The following DERL1 variants were observed in gnomAD, a reference collection of about 807,000 sequenced individuals.
DERL1 encodes the protein derlin 1.
DERL1 carries 24 observed loss-of-function variants against 41.6 expected under a neutral mutation model. The observed-to-expected ratio is 0.58, with a 90% CI of 0.42 to 0.81. The LOEUF (loss-of-function observed/expected upper bound fraction) is 0.81, where lower values mean the gene tolerates loss of function less well. Among genes scored for constraint, DERL1 ranks in the 30% least tolerant of loss-of-function variants. DERL1 has a pLI of 0.00. For missense variants in DERL1, 260 were observed against 314.3 expected (o/e 0.83, Z 1.31); for synonymous variants, 124 against 112.5 (o/e 1.10, Z -0.65).
rs1019015721 is a variant in DERL1, at chr8:123,015,214, C to A, written c.*233G>T. 4.1e-6 allele frequency: 2 copies of A among 482,964 alleles called. No individual in the cohort carries two copies. Among genetic ancestry groups the A allele is most frequent in the Admixed American group, 4.3e-5 (1 of 23,432 alleles). 29.9% of individuals were successfully genotyped at this position (482,964 alleles called of 1,614,324 possible). ...ACACCAAAAAATGTAGTCAGTTTTG[C>A]AATTTGCACAGTTGGTATTTGTTCT... On this transcript the variant is annotated 3_prime_UTR_variant, in exon 8 of 8. Transcript: ENST00000259512.
At chr8:123,025,150 T>C in intron 2 of DERL1, 100 bp from the exon 3 acceptor site, 2 of 1,262,016 alleles carry the variant, frequency 1.6e-6, no homozygotes, top group Middle Eastern at 1.9e-4. Context: ...AAAGCCAAAA[T>C]GAGAACATTT....
At chr8:123,031,779 A>G (rs989121944) in intron 1 of DERL1, among the ~76,000 whole-genome samples, 1 of 152,172 alleles carries the variant, frequency 6.6e-6, no homozygotes, top group Non-Finnish European at 1.5e-5. Context: ...TATTCCTTGT[A>G]TGTGAATGTC....
chr8:123,034,723 G>A (rs1047472363), intron 1 of DERL1, among the ~76,000 whole-genome samples: 3 of 152,186 alleles, frequency 2.0e-5, no homozygotes, highest in African/African-American at 7.2e-5. Flanking sequence ...ACAGACACTT[G>A]TGTAATCCTG....
At position 123,015,405 on chromosome 8, in the gene DERL1, G is replaced by A. The variant is rs755011295; in HGVS notation, c.*42C>T. On this transcript the variant is annotated 3_prime_UTR_variant, in exon 8 of 8. Coordinates refer to ENST00000259512, the MANE Select transcript of DERL1 (RefSeq NM_024295.6). ...TTGTTAAGTGCACCCAGCACTGGGAGGAAATGTGGCTTGAGAGGAGCGGCT... is the reference window on the plus strand; with the variant it reads ...TTGTTAAGTGCACCCAGCACTGGGAAGAAATGTGGCTTGAGAGGAGCGGCT... 1.9e-6 allele frequency: 3 copies of A among 1,602,966 alleles called. No homozygotes were observed. In the African/African-American group the frequency reaches 4.0e-5, roughly 21 times the overall value.
intron 7 of DERL1, chr8:123,017,199 T>C (rs151206236): frequency 6.6e-6 from 1 of 152,320 alleles, no homozygotes; most frequent in African/African-American, 2.4e-5. Flanking sequence ...CTAAATGGAA[T>C]GGAAAATGGT....
chr8:123,022,824 T>C (rs1212812677), intron 4 of DERL1, 45 bp from the exon 5 acceptor site: 4 of 1,537,570 alleles, frequency 2.6e-6, no homozygotes, highest in South Asian at 2.2e-5. Flanking sequence ...CAGAGGCACT[T>C]AAAAAAGGTG....
At chr8:123,019,779 G>A in intron 6 of DERL1, among the ~76,000 whole-genome samples, 1 of 152,102 alleles carries the variant, frequency 6.6e-6, no homozygotes, top group South Asian at 2.1e-4. Flanking sequence ...CTTGCCTCTT[G>A]TATCCTTGAG....
chr8:123,037,100 G>T (rs933123023), intron 1 of DERL1, among the ~76,000 whole-genome samples: 1 of 152,172 alleles, frequency 6.6e-6, no homozygotes, highest in African/African-American at 2.4e-5. Context: ...GTCCAGGAGA[G>T]AAGGAAATAA....
rs573253933 is a variant in DERL1, at chr8:123,025,171, T to C, written c.266-121A>G. 1.2e-4 allele frequency: 124 copies of C among 1,012,050 alleles called. 1 individual carries two copies. The East Asian group carries it at 3.3e-3, about 27-fold the overall frequency. The allele number at this position is 1,012,050 out of a possible 1,614,324, so 62.7% of individuals were successfully genotyped here. ...AAAATGAGAACATTTTAAAAACCAC[T>C]CCTCTCTAAAAAAGTGAATTTTTAA... is the stretch of plus-strand genomic sequence containing the variant. On this transcript the variant is annotated intron_variant, in intron 2 of 7. Transcript: ENST00000259512.
chr8:123,033,465 C>T (rs890956822), intron 1 of DERL1, among the ~76,000 whole-genome samples: 4 of 152,056 alleles, frequency 2.6e-5, no homozygotes, highest in Non-Finnish European at 5.9e-5. Context: ...GAGCTTCGGC[C>T]GGGAGTAGTG....
intron 2 of DERL1, among the ~76,000 whole-genome samples, chr8:123,028,816 C>T (rs1812757775): frequency 6.6e-6 from 1 of 152,082 alleles, no homozygotes; most frequent in African/African-American, 2.4e-5. Flanking sequence ...CCTGTAATCC[C>T]AGCACTTTGG....
At chr8:123,027,398 T>C (rs868717703) in intron 2 of DERL1, among the ~76,000 whole-genome samples, 3 of 151,682 alleles carry the variant, frequency 2.0e-5, no homozygotes, top group East Asian at 1.9e-4. Flanking sequence ...AGGGTTTCTT[T>C]TGGGGGTGGT....
At position 123,015,261 on chromosome 8, in the gene DERL1, T is replaced by G; in HGVS notation, c.*186A>C. On this transcript the variant is annotated 3_prime_UTR_variant, in exon 8 of 8. Transcript: ENST00000259512. ...TTCTTCACAGCAGTAAGGACTTGAA[T>G]GAGAATCGTGAAACTTGTGGAACAC... is the stretch of plus-strand genomic sequence containing the variant. 2.1e-5 allele frequency: 17 copies of G among 811,090 alleles called. No individual in the cohort carries two copies. Among genetic ancestry groups the G allele is most frequent in the East Asian group, 2.8e-5 (1 of 35,496 alleles). The allele number at this position is 811,090 out of a possible 1,614,324, so 50.2% of individuals were successfully genotyped here.
intron 5 of DERL1, 59 bp downstream of exon 5, chr8:123,022,625 C>T: frequency 2.0e-6 from 3 of 1,527,092 alleles, no homozygotes; most frequent in Non-Finnish European, 2.7e-6. Flanking sequence ...CATCTCTGGA[C>T]TGAAGAGGGA....
intron 7 of DERL1, chr8:123,017,249 T>C (rs1381438229): frequency 1.3e-5 from 2 of 152,196 alleles, no homozygotes; most frequent in African/African-American, 2.4e-5. Flanking sequence ...AAAGCAGTTA[T>C]ACCTTCCTAT....
intron 3 of DERL1, among the ~76,000 whole-genome samples, chr8:123,024,136 C>T (rs1049584687): frequency 6.6e-6 from 1 of 152,136 alleles, no homozygotes; most frequent in African/African-American, 2.4e-5. Flanking sequence ...CAACAGCTTC[C>T]GCATATGACT....
At chr8:123,019,371 T>C (rs2130457441) in intron 6 of DERL1, 66 bp from the exon 7 acceptor site, 4 of 1,155,122 alleles carry the variant, frequency 3.5e-6, no homozygotes, top group Non-Finnish European at 5.1e-6. Context: ...TTTTAACTAA[T>C]AGCATAAGGA....
intron 7 of DERL1, chr8:123,017,421 G>A (rs1814605600): frequency 6.6e-6 from 1 of 152,136 alleles, no homozygotes. Context: ...GGGCTGTCTT[G>A]CTTTGCTACT....
chr8:123,041,885 C>T, intron 1 of DERL1, 85 bp downstream of exon 1: 1 of 1,448,912 alleles, frequency 6.9e-7, no homozygotes, highest in Non-Finnish European at 9.1e-7. Flanking sequence ...AGGCACCGCG[C>T]GCCCGCAACA....
Sources: allele counts gnomAD v4.1 joint callset (sites outside exome capture counted in the v4.1 genomes callset), GRCh38; gene constraint gnomAD v4.1.1; transcripts MANE v1.5; gene names NCBI Gene and HGNC (gene_info 2026-07-23, HGNC 2026-07-21).